The following THAP4 variants were observed in gnomAD, a reference collection of about 807,000 sequenced individuals.
THAP4 encodes the protein THAP domain containing 4, also known as peroxynitrite isomerase THAP4.
In THAP4, 18 loss-of-function variants were observed where a neutral mutation model predicts 48.1. That is an observed-to-expected ratio of 0.37 (90% CI 0.26 to 0.56). The LOEUF (loss-of-function observed/expected upper bound fraction) is 0.56, where lower values mean the gene tolerates loss of function less well. Ranked by LOEUF, THAP4 falls within the 20% of genes least tolerant of loss-of-function variation. The probability of loss-of-function intolerance (pLI) is 0.78; values close to 1 mark genes in which losing one functional copy is unlikely to be tolerated. For synonymous variants in THAP4, 345 were observed against 324.9 expected (o/e 1.06, Z -0.66); for missense variants, 656 against 774.9 (o/e 0.85, Z 1.82).
chr2:241,637,116 G>A lies in THAP4; in HGVS notation c.-99C>T. ...AGGGAGCGCGGCGGCGACACGGCTC[G>A]GGACGTGGGCCGGCCCGCGGCGTCC... is the stretch of plus-strand genomic sequence containing the variant. On this transcript the variant is annotated 5_prime_UTR_variant, in exon 1 of 6. Transcript: ENST00000407315. 5.0e-6 allele frequency: 5 copies of A among 1,007,986 alleles called. No homozygotes were observed. Among genetic ancestry groups the A allele is most frequent in the Non-Finnish European group, 5.9e-6 (5 of 848,024 alleles). 62.4% of individuals were successfully genotyped at this position (1,007,986 alleles called of 1,614,324 possible).
chr2:241,606,337 C>T lies in THAP4; in HGVS notation c.1377G>A (p.Val459=). The change falls in exon 3 of 6, where the codon GTG becomes GTA. Residue 459 remains valine (V), a synonymous_variant. Transcript: ENST00000407315. ...QYLEEVHISH[V]GQPMLNFSFN... is the part of the protein sequence containing the mutation. ...ACGAGAAGTTCAGCATGGGCTGGCC[C>T]ACGTGGGAGATGTGAACCTCCTCCA... 1 of 1,562,306 alleles carries T rather than the reference C, an allele frequency of 6.4e-7. No individual in the cohort carries two copies. Among genetic ancestry groups the T allele is most frequent in the Non-Finnish European group, 8.7e-7 (1 of 1,152,756 alleles).
At chr2:241,624,401 C>T (rs1339491712) in intron 2 of THAP4, among the ~76,000 whole-genome samples, 1 of 151,806 alleles carries the variant, frequency 6.6e-6, no homozygotes, top group African/African-American at 2.4e-5. Context: ...GCAGGAGAAT[C>T]GCTTGAACCC....
At chr2:241,620,268 G>A (rs1192159340) in intron 2 of THAP4, among the ~76,000 whole-genome samples, 2 of 98,950 alleles carry the variant, frequency 2.0e-5, no homozygotes, top group African/African-American at 8.0e-5. Flanking sequence ...TGAGGGGTGA[G>A]GGGTGAGTGA....
At chr2:241,605,718 T>A (rs549473344) in intron 3 of THAP4, among the ~76,000 whole-genome samples, 22 of 148,206 alleles carry the variant, frequency 1.5e-4, no homozygotes, top group Admixed American at 6.7e-4. Flanking sequence ...TGACTAATTT[T>A]TTTCTTTTTT....
chr2:241,623,436 A>C (rs1218719128), intron 2 of THAP4, among the ~76,000 whole-genome samples: 1 of 151,830 alleles, frequency 6.6e-6, no homozygotes, highest in Non-Finnish European at 1.5e-5. Flanking sequence ...AAAAATTAGC[A>C]GGGCATGGTG....
chr2:241,626,052 A>C (rs1186937234), intron 2 of THAP4, among the ~76,000 whole-genome samples: 1 of 152,200 alleles, frequency 6.6e-6, no homozygotes, highest in African/African-American at 2.4e-5. Flanking sequence ...TCACATTAAT[A>C]GGTGCAAAAA....
rs186858982 is a variant in THAP4, at chr2:241,616,746, C to T, written c.1241-10273G>A. 2.0e-4 allele frequency among the ~76,000 whole-genome samples: 31 copies of T among 152,254 alleles called. No homozygotes were observed. In the South Asian group the frequency reaches 5.8e-3, roughly 28 times the overall value. ...ATCAGACTGGAAAGGAAGGAGCACG[C>T]GGCTAAGCAACTAGATGGAGGCTTA... On this transcript the variant is annotated intron_variant, in intron 2 of 5. Coordinates refer to ENST00000407315, the MANE Select transcript of THAP4 (RefSeq NM_015963.6). This position sits in a 1 kb window ranked among gnomAD's most constrained non-coding sequence, Gnocchi z 4.6.
chr2:241,609,269 C>T (rs989890680), intron 2 of THAP4, among the ~76,000 whole-genome samples: 4 of 152,156 alleles, frequency 2.6e-5, no homozygotes, highest in Admixed American at 6.5e-5. Flanking sequence ...AAGATGGTAA[C>T]GGAGGTTTCT....
intron 5 of THAP4, among the ~76,000 whole-genome samples, chr2:241,585,660 G>A (rs1054132768): frequency 4.6e-5 from 7 of 152,198 alleles, no homozygotes; most frequent in Middle Eastern, 3.4e-3. Flanking sequence ...GAGGCTGAGA[G>A]GGATGTGGTA....
chr2:241,606,397 G>A lies in THAP4; in HGVS notation c.1317C>T (p.Ala439=), dbSNP rs376546494. 117 of 1,602,342 alleles carry A rather than the reference G, an allele frequency of 7.3e-5. No individual in the cohort carries two copies. Among genetic ancestry groups the A allele is most frequent in the East Asian group, 3.6e-4 (16 of 44,358 alleles). The stretch of plus-strand genomic sequence containing the variant: ...AGGGCTGCAGTGTGGGGTAGGTCCC[G>A]GCTCCAGGTGGGTCCGACAGCCAGG... The part of the protein sequence containing the change: ...LGTWLSDPPG[A]GTYPTLQPFQ... Residue 439 remains alanine, a synonymous_variant, in exon 3 of 6, where the codon GCC becomes GCT. Transcript: ENST00000407315.
intron 2 of THAP4, among the ~76,000 whole-genome samples, chr2:241,607,597 C>A (rs150532162): frequency 0.022 from 3,388 of 151,152 alleles, 176 homozygotes; most frequent in East Asian, 0.17. Flanking sequence ...AGCTCTGTGG[C>A]CGCACAAGCC....
chr2:241,636,901 C>G (rs745999287), intron 1 of THAP4, 40 bp downstream of exon 1: 10 of 1,137,194 alleles, frequency 8.8e-6, no homozygotes, highest in Non-Finnish European at 1.1e-5. Flanking sequence ...CCCGCAGGGC[C>G]GGGTCGGGGC....
intron 3 of THAP4, among the ~76,000 whole-genome samples, chr2:241,603,933 CTT>C (rs1176046967): frequency 6.6e-6 from 1 of 151,490 alleles, no homozygotes; most frequent in Non-Finnish European, 1.5e-5. Flanking sequence ...GGGTAGATCT[CTT>C]GAGCCTAGGA....
rs2067347742 is a variant in THAP4, at chr2:241,616,360, G to C, written c.1241-9887C>G. Among the ~76,000 whole-genome samples the C allele has an allele frequency of 6.6e-6, 1 of 152,218 alleles. No individual in the cohort carries two copies. Among genetic ancestry groups the C allele is most frequent in the Non-Finnish European group, 1.5e-5 (1 of 68,042 alleles). ...GCGGGTGCAGGCGCACGAGAGCTGAGGGCGAGCCCTGGCATCAGGACCAGA... is the reference window on the plus strand; with the variant it reads ...GCGGGTGCAGGCGCACGAGAGCTGACGGCGAGCCCTGGCATCAGGACCAGA... On this transcript the variant is annotated intron_variant, in intron 2 of 5. Coordinates refer to ENST00000407315, the MANE Select transcript of THAP4 (RefSeq NM_015963.6). This position sits in a 1 kb window ranked among gnomAD's most constrained non-coding sequence, Gnocchi z 4.6.
chr2:241,618,842 T>C (rs1427049549), intron 2 of THAP4, among the ~76,000 whole-genome samples: 1 of 151,004 alleles, frequency 6.6e-6, no homozygotes, highest in African/African-American at 2.4e-5. Context: ...AAAAAACACC[T>C]CATGTCTCTG....
intron 2 of THAP4, among the ~76,000 whole-genome samples, chr2:241,611,419 T>C (rs2067274430): frequency 6.6e-6 from 1 of 152,140 alleles, no homozygotes; most frequent in Non-Finnish European, 1.5e-5. Context: ...AATGCGCCAC[T>C]CCGAAAGAAA....
In THAP4 at chr2:241,603,855, C is replaced by T. The variant is rs557705224; in HGVS notation, c.1401-776G>A. Among the ~76,000 whole-genome samples, 24 of 152,200 alleles carry T rather than the reference C, an allele frequency of 1.6e-4. No individual in the cohort carries two copies. In the South Asian group the frequency reaches 1.9e-3, roughly 12 times the overall value. ...ATCTTGAACTGAGGGCACAAAACCA[C>T]GGCTTAAAAACTAACTCGCTGGCAT... On this transcript the variant is annotated intron_variant, in intron 3 of 5. Coordinates refer to ENST00000407315, the MANE Select transcript of THAP4 (RefSeq NM_015963.6).
intron 2 of THAP4, among the ~76,000 whole-genome samples, chr2:241,611,013 C>T (rs1029197875): frequency 6.6e-6 from 1 of 152,098 alleles, no homozygotes; most frequent in Non-Finnish European, 1.5e-5. Context: ...TTAAAAAAAA[C>T]AAAAATAACG....
At chr2:241,611,775 CCTT>C (rs1381875292) in intron 2 of THAP4, among the ~76,000 whole-genome samples, 1 of 151,218 alleles carries the variant, frequency 6.6e-6, no homozygotes, top group East Asian at 1.9e-4. Flanking sequence ...CTCCTGAAGA[CCTT>C]CTGCTTCTCC....
Sources: allele counts gnomAD v4.1 joint callset (sites outside exome capture counted in the v4.1 genomes callset), GRCh38; gene constraint gnomAD v4.1.1; non-coding constraint Gnocchi (gnomAD v3.1); transcripts MANE v1.5; gene names NCBI Gene and HGNC (gene_info 2026-07-23, HGNC 2026-07-21).